Variants in EPN2 observed in about 807,000 individuals in gnomAD.
EPN2 encodes epsin 2, also known as epsin-2.
EPN2 carries 34 observed loss-of-function variants against 61.7 expected under a neutral mutation model. The observed-to-expected ratio is 0.55, with a 90% CI of 0.42 to 0.73. The LOEUF is 0.73. EPN2 is among the 30% of genes least tolerant of loss of function. The pLI is 0.00. For missense variants in EPN2, 714 were observed against 839.2 expected, an observed-to-expected ratio of 0.85 and a Z score of 1.84; for synonymous variants, 349 against 353.6, an observed-to-expected ratio of 0.99 and a Z score of 0.15.
intron 4 of EPN2, among the ~76,000 whole-genome samples, chr17:19,301,217 A>G (rs532192108): frequency 1.7e-4 from 26 of 152,112 alleles, no homozygotes; most frequent in African/African-American, 4.1e-4. Context: ...CTGTGTTTCT[A>G]TCTCTTCTAA....
At chr17:19,297,914 A>G in intron 4 of EPN2, among the ~76,000 whole-genome samples, 1 of 152,128 alleles carries the variant, frequency 6.6e-6, no homozygotes, top group East Asian at 1.9e-4. Flanking sequence ...TTTGAGACAG[A>G]GTCTCACTCT....
At chr17:19,328,062 A>T (rs1382776070) in intron 7 of EPN2, among the ~76,000 whole-genome samples, 3 of 152,098 alleles carry the variant, frequency 2.0e-5, no homozygotes, top group East Asian at 1.9e-4. Context: ...TTCTTTTTTT[A>T]AAAATTTTTT....
At chr17:19,243,507 C>T (rs2044909963) in intron 1 of EPN2, among the ~76,000 whole-genome samples, 1 of 151,250 alleles carries the variant, frequency 6.6e-6, no homozygotes, top group Admixed American at 6.6e-5. Context: ...ATTCTCCTGC[C>T]TCAGCCTCCC....
intron 7 of EPN2, 34 bp from the exon 8 acceptor site, chr17:19,328,677 G>T (rs1296190292): frequency 1.9e-6 from 3 of 1,567,324 alleles, no homozygotes; most frequent in African/African-American, 1.4e-5. Context: ...ACCCTCTGAA[G>T]GCATTTCTGA....
At chr17:19,332,130 G>C in intron 10 of EPN2, 62 bp downstream of exon 10, 1 of 1,283,686 alleles carries the variant, frequency 7.8e-7, no homozygotes, top group Non-Finnish European at 1.1e-6. Flanking sequence ...TGTGCAGCAG[G>C]CCTCTTGGGG....
At chr17:19,331,508 A>G (rs1907152204) in intron 9 of EPN2, among the ~76,000 whole-genome samples, 1 of 151,948 alleles carries the variant, frequency 6.6e-6, no homozygotes, top group Admixed American at 6.5e-5. Flanking sequence ...TAGTAAATGG[A>G]AAATGTAAGA....
At chr17:19,320,463 C>T (rs1598020813) in intron 7 of EPN2, among the ~76,000 whole-genome samples, 1 of 152,116 alleles carries the variant, frequency 6.6e-6, no homozygotes, top group Non-Finnish European at 1.5e-5. Context: ...TTGAGGAGGG[C>T]TTGGTGAGAG....
At chr17:19,312,518 T>C (rs909961358) in intron 6 of EPN2, among the ~76,000 whole-genome samples, 4 of 152,210 alleles carry the variant, frequency 2.6e-5, no homozygotes, top group African/African-American at 9.7e-5. Flanking sequence ...TGTGCCAGGC[T>C]TCCTGCTGTG....
At chr17:19,255,235 C>T (rs551519553) in intron 1 of EPN2, among the ~76,000 whole-genome samples, 8 of 152,128 alleles carry the variant, frequency 5.3e-5, no homozygotes, top group South Asian at 2.1e-4. Flanking sequence ...TATCTCAGGT[C>T]CCAGGACAAG....
intron 4 of EPN2, among the ~76,000 whole-genome samples, chr17:19,290,301 G>A (rs549474015): frequency 6.6e-6 from 1 of 152,242 alleles, no homozygotes; most frequent in Admixed American, 6.5e-5. Context: ...CCCGCCCCCC[G>A]GGCTCTTTCC....
At chr17:19,278,172 C>T (rs1017294031) in intron 1 of EPN2, among the ~76,000 whole-genome samples, 3 of 151,814 alleles carry the variant, frequency 2.0e-5, no homozygotes, top group East Asian at 1.9e-4. Flanking sequence ...GACGGGGTCT[C>T]GCCATGTTGC....
chr17:19,302,870 A>G (rs1179097130), intron 4 of EPN2, among the ~76,000 whole-genome samples: 7 of 152,172 alleles, frequency 4.6e-5, no homozygotes, highest in Admixed American at 4.6e-4. Context: ...CATGGACTTG[A>G]GGGCCCGTGC....
Position 19,285,615 on chromosome 17 carries a change from C to A in EPN2, c.596-5C>A. On this transcript the variant is annotated splice_region_variant and splice_polypyrimidine_tract_variant and intron_variant, in intron 3 of 10. Coordinates refer to ENST00000314728, the MANE Select transcript of EPN2 (RefSeq NM_014964.5). The surrounding 1 kb of genome is among the most constrained non-coding windows in gnomAD (Gnocchi z 4.5). ...TGTGTGTGTGTGTGTGTCCCTGCCCCACAGCGCCTGAGGCCTCGCTGTGCC... is the reference window on the plus strand; with the variant it reads ...TGTGTGTGTGTGTGTGTCCCTGCCCAACAGCGCCTGAGGCCTCGCTGTGCC... The A allele has an allele frequency of 1.3e-6, 2 of 1,531,248 alleles. No homozygotes were observed. The highest frequency in any genetic ancestry group is 8.8e-7 in the Non-Finnish European group (1 of 1,136,792). The allele number at this position is 1,531,248 out of a possible 1,614,324, so 94.9% of individuals were successfully genotyped here.
intron 7 of EPN2, among the ~76,000 whole-genome samples, chr17:19,314,127 C>T (rs1482639978): frequency 6.6e-6 from 1 of 152,180 alleles, no homozygotes; most frequent in Admixed American, 6.5e-5. Context: ...TACCAAGTGA[C>T]AGGCTGTGTT....
intron 1 of EPN2, among the ~76,000 whole-genome samples, chr17:19,242,722 C>T (rs1275892801): frequency 6.6e-6 from 1 of 152,220 alleles, no homozygotes; most frequent in East Asian, 1.9e-4. Flanking sequence ...AATAAAGGGA[C>T]TCCCCATCTT....
chr17:19,326,930 A>T (rs997227723), intron 7 of EPN2, among the ~76,000 whole-genome samples: 1 of 152,132 alleles, frequency 6.6e-6, no homozygotes, highest in African/African-American at 2.4e-5. Context: ...TGAGTATATG[A>T]AAAGATGCAC....
intron 1 of EPN2, among the ~76,000 whole-genome samples, chr17:19,237,901 C>T (rs187846386): frequency 1.5e-3 from 231 of 152,336 alleles, no homozygotes; most frequent in African/African-American, 5.1e-3. Context: ...CAACCCCGCC[C>T]CCTCCCCAGA....
At chr17:19,328,005 TTAACA>T (rs1263156500) in intron 7 of EPN2, among the ~76,000 whole-genome samples, 6 of 152,244 alleles carry the variant, frequency 3.9e-5, no homozygotes, top group Non-Finnish European at 8.8e-5. Context: ...GCGTTGACAC[TTAACA>T]TTAGATGCAC....
intron 1 of EPN2, chr17:19,271,620 A>G (rs1210447140): frequency 6.6e-6 from 1 of 152,342 alleles, no homozygotes; most frequent in East Asian, 1.9e-4. Flanking sequence ...CACTACCACC[A>G]GTCCCTGCAA....
Sources: allele counts gnomAD v4.1 joint callset (sites outside exome capture counted in the v4.1 genomes callset), GRCh38; gene constraint gnomAD v4.1.1; non-coding constraint Gnocchi (gnomAD v3.1); transcripts MANE v1.5; gene names NCBI Gene and HGNC (gene_info 2026-07-23, HGNC 2026-07-21).